The following ZNF521 variants were observed in gnomAD, a reference collection of about 807,000 sequenced individuals.
The protein encoded by ZNF521 is LYST-interacting protein 3.
ZNF521 carries 14 observed loss-of-function variants against 105.5 expected under a neutral mutation model. The observed-to-expected ratio is 0.13, with a 90% confidence interval of 0.09 to 0.21. The LOEUF is 0.21. Among genes scored for constraint, ZNF521 ranks in the 10% least tolerant of loss-of-function variants. The pLI is 1.00. For synonymous variants in ZNF521, 635 were observed against 606.0 expected (o/e 1.05, Z -0.70); for missense variants, 1,233 against 1,629.7 (o/e 0.76, Z 4.19).
At chr18:25,231,919 T>G (rs1463057757) in intron 3 of ZNF521, among the ~76,000 whole-genome samples, 1 of 152,186 alleles carries the variant, frequency 6.6e-6, no homozygotes, top group Non-Finnish European at 1.5e-5. Flanking sequence ...TATGGAAACT[T>G]CTGATAATGT....
At chr18:25,313,529 A>G (rs1208458012) in intron 3 of ZNF521, among the ~76,000 whole-genome samples, 2 of 152,222 alleles carry the variant, frequency 1.3e-5, no homozygotes, top group Non-Finnish European at 2.9e-5. Context: ...GATTATCAGG[A>G]AAGTTCTTTG....
chr18:25,303,555 C>A (rs1465729636), intron 3 of ZNF521, among the ~76,000 whole-genome samples: 2 of 152,114 alleles, frequency 1.3e-5, no homozygotes, highest in Non-Finnish European at 2.9e-5. Context: ...CTCGGCCTCC[C>A]AAAGTGCTGG....
chr18:25,175,595 A>C (rs1313332655), intron 5 of ZNF521, among the ~76,000 whole-genome samples: 1 of 152,172 alleles, frequency 6.6e-6, no homozygotes, highest in African/African-American at 2.4e-5. Context: ...GAAAACGTGG[A>C]TGGTCAGCAT....
rs766291599 is a variant in ZNF521, at chr18:25,226,334, C to T, written c.1584G>A (p.Leu528=). The change falls in exon 4 of 8, where the codon CTG becomes CTA. Residue 528 remains leucine, a synonymous_variant. Coordinates refer to ENST00000361524, the MANE Select transcript of ZNF521 (RefSeq NM_015461.3). The surrounding 1 kb of genome is among the most constrained non-coding windows in gnomAD (Gnocchi z 4.1). ...AATGAACCTGTCTAATATGCTCTTCCAGGGAAGAGTCAGTGAGAAACCCCA... is the reference window on the plus strand; with the variant it reads ...AATGAACCTGTCTAATATGCTCTTCTAGGGAAGAGTCAGTGAGAAACCCCA... The part of the protein sequence containing the change: ...CYMGFLTDSS[L]EEHIRQVHCD... The T allele has an allele frequency of 5.6e-6, 9 of 1,614,012 alleles. No homozygotes were observed. Among genetic ancestry groups the T allele is most frequent in the Non-Finnish European group, 7.6e-6 (9 of 1,180,024 alleles).
chr18:25,140,750 T>C (rs964610539), intron 5 of ZNF521, among the ~76,000 whole-genome samples: 1 of 152,172 alleles, frequency 6.6e-6, no homozygotes, highest in African/African-American at 2.4e-5. Flanking sequence ...GGGAGGGCAT[T>C]TGTATTGGTC....
intron 3 of ZNF521, among the ~76,000 whole-genome samples, chr18:25,257,151 T>C (rs1207697439): frequency 6.6e-6 from 1 of 152,176 alleles, no homozygotes; most frequent in Non-Finnish European, 1.5e-5. Context: ...TCTGTTGCTT[T>C]GAGGAAAGTG....
At chr18:25,096,708 C>A (rs1224478006) in intron 5 of ZNF521, among the ~76,000 whole-genome samples, 1 of 152,140 alleles carries the variant, frequency 6.6e-6, no homozygotes, top group Non-Finnish European at 1.5e-5. Flanking sequence ...TTACTGAGGG[C>A]CAATTTGTAA....
At position 25,062,748 on chromosome 18, in the gene ZNF521, A is replaced by G; in HGVS notation, c.3907-7T>C. 3.8e-6 allele frequency: 2 copies of G among 530,078 alleles called. No homozygotes were observed. The highest frequency in any genetic ancestry group is 2.8e-6 in the Non-Finnish European group (1 of 354,982). 32.8% of individuals were successfully genotyped at this position (530,078 alleles called of 1,614,324 possible). A position where few individuals can be genotyped will look rare whatever the true frequency, so the allele number is the denominator to read the frequency against. On this transcript the variant is annotated splice_polypyrimidine_tract_variant and splice_region_variant and intron_variant, in intron 7 of 7. Transcript: ENST00000361524. Reference sequence around the variant, plus strand: ...GTTGGGTCATTGTATGATTCTGTAAATAACAAAAAAAAAAAAAAAAAAAAA... The same window carrying G: ...GTTGGGTCATTGTATGATTCTGTAAGTAACAAAAAAAAAAAAAAAAAAAAA...
At chr18:25,103,742 T>C (rs1310304495) in intron 5 of ZNF521, among the ~76,000 whole-genome samples, 2 of 125,612 alleles carry the variant, frequency 1.6e-5, no homozygotes, top group African/African-American at 6.2e-5. Flanking sequence ...TCCTCTGTGA[T>C]GGGAAGAGAG....
At chr18:25,110,769 C>T (rs1555634981) in intron 5 of ZNF521, among the ~76,000 whole-genome samples, 1 of 150,348 alleles carries the variant, frequency 6.7e-6, no homozygotes, top group Non-Finnish European at 1.5e-5. Flanking sequence ...TTTCCCCCTC[C>T]TTTTTTTTTG....
At chr18:25,349,212 A>C (rs1914593239) in intron 2 of ZNF521, among the ~76,000 whole-genome samples, 1 of 152,130 alleles carries the variant, frequency 6.6e-6, no homozygotes, top group African/African-American at 2.4e-5. Flanking sequence ...TTGTCCTGGT[A>C]CTTCGCTCAG....
At chr18:25,291,155 T>C (rs1910996509) in intron 3 of ZNF521, among the ~76,000 whole-genome samples, 1 of 152,176 alleles carries the variant, frequency 6.6e-6, no homozygotes, top group Non-Finnish European at 1.5e-5. Context: ...GTTCTTTCTT[T>C]CACATGTGGC....
chr18:25,124,526 C>T (rs969348726), intron 5 of ZNF521, among the ~76,000 whole-genome samples: 3 of 152,116 alleles, frequency 2.0e-5, no homozygotes, highest in African/African-American at 4.8e-5. Flanking sequence ...AATTTCAGAG[C>T]CATCCTTTAT....
intron 5 of ZNF521, among the ~76,000 whole-genome samples, chr18:25,107,447 G>C (rs984371641): frequency 6.6e-6 from 1 of 152,066 alleles, no homozygotes; most frequent in Non-Finnish European, 1.5e-5. Flanking sequence ...ATAATTTTTA[G>C]ATCTATACTG....
At chr18:25,272,466 T>G (rs1008799168) in intron 3 of ZNF521, among the ~76,000 whole-genome samples, 6 of 152,160 alleles carry the variant, frequency 3.9e-5, no homozygotes, top group Admixed American at 3.9e-4. Context: ...TGTACACATA[T>G]GTTTATTGTG....
chr18:25,330,822 T>G lies in ZNF521; in HGVS notation c.41-8635A>C, dbSNP rs529156582. 7.2e-5 allele frequency among the ~76,000 whole-genome samples: 11 copies of G among 152,262 alleles called. No individual in the cohort carries two copies. The South Asian group carries it at 1.2e-3, about 17-fold the overall frequency. ...CTTGTTTTAAAAGGTGCACACAGCCTTCTCCTAAAAGAAAATATGGTAAGG... is the reference window on the plus strand; with the variant it reads ...CTTGTTTTAAAAGGTGCACACAGCCGTCTCCTAAAAGAAAATATGGTAAGG... On this transcript the variant is annotated intron_variant, in intron 2 of 7. Transcript: ENST00000361524.
intron 5 of ZNF521, among the ~76,000 whole-genome samples, chr18:25,191,141 G>C (rs769601103): frequency 3.3e-5 from 5 of 151,976 alleles, no homozygotes; most frequent in Non-Finnish European, 7.4e-5. Context: ...CTGACACTTA[G>C]ACACAATTTT....
Position 25,103,480 on chromosome 18 carries a change from G to A in ZNF521, c.3659-11399C>T, listed in dbSNP as rs1477303797. Among the ~76,000 whole-genome samples the A allele has an allele frequency of 2.0e-5, 3 of 152,092 alleles. No individual in the cohort carries two copies. The South Asian group carries it at 6.2e-4, about 32-fold the overall frequency. ...TAAATTGAGTGTTTGAGAAGAAACC[G>A]AGACTGCATGCATAACCCAAAGTGT... is the stretch of plus-strand genomic sequence containing the variant. On this transcript the variant is annotated intron_variant, in intron 5 of 7. Coordinates refer to ENST00000361524, the MANE Select transcript of ZNF521 (RefSeq NM_015461.3).
At chr18:25,333,101 G>A (rs1399281125) in intron 2 of ZNF521, among the ~76,000 whole-genome samples, 1 of 151,366 alleles carries the variant, frequency 6.6e-6, no homozygotes, top group African/African-American at 2.4e-5. Flanking sequence ...TACTAGAGTA[G>A]TATATATTTT....
Sources: allele counts gnomAD v4.1 joint callset (sites outside exome capture counted in the v4.1 genomes callset), GRCh38; gene constraint gnomAD v4.1.1; non-coding constraint Gnocchi (gnomAD v3.1); transcripts MANE v1.5; gene names NCBI Gene and HGNC (gene_info 2026-07-23, HGNC 2026-07-21).